The following PRMT8 variants were observed in gnomAD, a reference collection of about 807,000 sequenced individuals.
PRMT8 encodes protein arginine methyltransferase 8, also known as protein arginine N-methyltransferase 8.
Under a neutral mutation model 47.1 loss-of-function variants are expected in PRMT8, and 7 were observed. That is an observed-to-expected ratio of 0.15 (90% CI 0.08 to 0.28). The LOEUF is 0.28. Ranked by LOEUF, PRMT8 falls within the 10% of genes least tolerant of loss-of-function variation. The pLI is 1.00. For missense variants in PRMT8, 237 were observed against 505.4 expected, an observed-to-expected ratio of 0.47 and a Z score of 5.09; for synonymous variants, 188 against 186.5, an observed-to-expected ratio of 1.01 and a Z score of -0.07.
Position 3,437,028 on chromosome 12 carries a change from G to A in PRMT8, c.48+55586G>A, listed in dbSNP as rs532352800. Among the ~76,000 whole-genome samples, 4 of 152,210 alleles carry A rather than the reference G, an allele frequency of 2.6e-5. No individual in the cohort carries two copies. The East Asian group carries it at 7.7e-4, about 29-fold the overall frequency. On this transcript the variant is annotated intron_variant, in intron 1 of 9. Transcript: ENST00000452611. ...GGTCCTCTTTTACCTTTTAAGTCAC[G>A]AAAATGAAATATTCCAGTTCTGACA...
chr12:3,547,058 A>C (rs1235958623), intron 2 of PRMT8, among the ~76,000 whole-genome samples: 1 of 152,250 alleles, frequency 6.6e-6, no homozygotes, highest in Non-Finnish European at 1.5e-5. Context: ...GCATGTGACA[A>C]AATTAAATAC....
intron 1 of PRMT8, among the ~76,000 whole-genome samples, chr12:3,413,722 G>A (rs567616716): frequency 1.4e-4 from 21 of 151,966 alleles, no homozygotes; most frequent in African/African-American, 2.9e-4. Flanking sequence ...GCGGTGTGTC[G>A]TTGACCAAAG....
intron 1 of PRMT8, among the ~76,000 whole-genome samples, chr12:3,474,494 C>T (rs951664604): frequency 3.9e-5 from 6 of 152,090 alleles, no homozygotes; most frequent in African/African-American, 1.2e-4. Context: ...GCTTTTCACC[C>T]GATGCTCTCT....
intron 1 of PRMT8, among the ~76,000 whole-genome samples, chr12:3,421,137 TA>T (rs1253976149): frequency 1.3e-5 from 2 of 152,172 alleles, no homozygotes; most frequent in African/African-American, 4.8e-5. Flanking sequence ...CTTAAAAACA[TA>T]ATTGTTTTTT....
chr12:3,513,605 G>A (rs917493157), intron 1 of PRMT8, among the ~76,000 whole-genome samples: 6 of 152,220 alleles, frequency 3.9e-5, no homozygotes, highest in East Asian at 1.9e-4. Flanking sequence ...GAATGCGTGC[G>A]CTCCGTGAGA....
chr12:3,568,347 TA>T (rs34278124), intron 4 of PRMT8, among the ~76,000 whole-genome samples: 58,855 of 146,526 alleles, frequency 0.4, 11,611 homozygotes, highest in East Asian at 0.5. Flanking sequence ...TTGGTGTAAA[TA>T]AAAAAAAAAA....
chr12:3,589,307 C>T lies in PRMT8; in HGVS notation c.980-2924C>T, dbSNP rs114708760. Among the ~76,000 whole-genome samples, 1,210 of 152,298 alleles carry T rather than the reference C, an allele frequency of 7.9e-3. 20 individuals are homozygous for T. The highest frequency in any genetic ancestry group is 0.027 in the African/African-American group (1,136 of 41,554). On this transcript the variant is annotated intron_variant, in intron 8 of 9. Transcript: ENST00000382622. ...TTAGTCTATGATCCTTTCCCTTTCT[C>T]ATCTCATCTCATCCTCACAATACGT...
At chr12:3,444,213 T>C (rs998666177) in intron 1 of PRMT8, among the ~76,000 whole-genome samples, 8 of 152,232 alleles carry the variant, frequency 5.3e-5, no homozygotes, top group Non-Finnish European at 1.2e-4. Flanking sequence ...CCAGCGGTTC[T>C]GGATCAAGAA....
rs1866823399 is a variant in PRMT8, at chr12:3,570,320, G to T, written c.712+756G>T. On this transcript the variant is annotated intron_variant, in intron 6 of 9. Transcript: ENST00000382622. The surrounding 1 kb of genome is among the most constrained non-coding windows in gnomAD (Gnocchi z 5.5). ...CTGTGACACAGGCCTGATCCTTAATGAGATTATACCAAACATGTTTTTGTA... is the reference window on the plus strand; with the variant it reads ...CTGTGACACAGGCCTGATCCTTAATTAGATTATACCAAACATGTTTTTGTA... Among the ~76,000 whole-genome samples the T allele has an allele frequency of 6.6e-6, 1 of 152,192 alleles. No individual in the cohort carries two copies.
intron 1 of PRMT8, among the ~76,000 whole-genome samples, chr12:3,525,372 T>C (rs575112288): frequency 3.5e-4 from 54 of 152,268 alleles, no homozygotes; most frequent in African/African-American, 1.3e-3. Flanking sequence ...TTGCAGGGCC[T>C]TGTGGGTATG....
chr12:3,398,413 C>G (rs1054784127), intron 1 of PRMT8, among the ~76,000 whole-genome samples: 7 of 152,172 alleles, frequency 4.6e-5, no homozygotes, highest in Non-Finnish European at 8.8e-5. Context: ...GTGGCTACAA[C>G]ACAGCACTGT....
intron 1 of PRMT8, among the ~76,000 whole-genome samples, chr12:3,461,558 A>G (rs1844858008): frequency 6.6e-6 from 1 of 152,224 alleles, no homozygotes; most frequent in Non-Finnish European, 1.5e-5. Context: ...CAGCGGAATT[A>G]ACGGAAGCTG....
intron 1 of PRMT8, among the ~76,000 whole-genome samples, chr12:3,483,953 A>T (rs1210267545): frequency 6.6e-6 from 1 of 152,218 alleles, no homozygotes; most frequent in Non-Finnish European, 1.5e-5. Flanking sequence ...ATGACTACTT[A>T]TAATGGCTGC....
chr12:3,442,427 G>T (rs930392178), intron 1 of PRMT8, among the ~76,000 whole-genome samples: 8 of 152,256 alleles, frequency 5.3e-5, no homozygotes, highest in African/African-American at 1.9e-4. Flanking sequence ...AGGGGAGCTG[G>T]CTGGGGCAGC....
At chr12:3,586,014 A>T (rs569935168) in intron 8 of PRMT8, among the ~76,000 whole-genome samples, 2 of 152,232 alleles carry the variant, frequency 1.3e-5, no homozygotes, top group South Asian at 2.1e-4. Flanking sequence ...TGCCCTGCTG[A>T]TGAGAAAGTC....
intron 1 of PRMT8, among the ~76,000 whole-genome samples, chr12:3,536,555 C>T (rs1165019468): frequency 1.3e-5 from 2 of 152,178 alleles, no homozygotes; most frequent in African/African-American, 4.8e-5. Flanking sequence ...AGGACTTTTT[C>T]CTCTCCTTAA....
Position 3,566,133 on chromosome 12 carries a change from A to G in PRMT8, c.482-2573A>G, listed in dbSNP as rs1434717865. ...GCCATTAAAGACAATTTTTAAGTTT[A>G]CAAAACTAAGGCAAGCCAGGCTTTG... On this transcript the variant is annotated intron_variant, in intron 4 of 9. Coordinates refer to ENST00000382622, the MANE Select transcript of PRMT8 (RefSeq NM_019854.5). This position sits in a 1 kb window ranked among gnomAD's most constrained non-coding sequence, Gnocchi z 4.7. 1.3e-5 allele frequency among the ~76,000 whole-genome samples: 2 copies of G among 152,252 alleles called. No homozygotes were observed. The highest frequency in any genetic ancestry group is 2.9e-5 in the Non-Finnish European group (2 of 68,028).
chr12:3,592,172 C>T, intron 8 of PRMT8, 59 bp from the exon 9 acceptor site: 2 of 1,516,994 alleles, frequency 1.3e-6, no homozygotes, highest in Admixed American at 2.4e-5. Flanking sequence ...AGCCTCATCC[C>T]TTTGGAGACT....
At chr12:3,491,886 GT>G (rs1865414527) in intron 1 of PRMT8, among the ~76,000 whole-genome samples, 186 bp downstream of exon 1, 1 of 80,302 alleles carries the variant, frequency 1.2e-5, no homozygotes. Flanking sequence ...GTGTGTGTGT[GT>G]GTTGGTGGGG....
Sources: gnomAD v4.1 joint callset for allele counts (sites outside exome capture counted in the v4.1 genomes callset) on GRCh38, gnomAD v4.1.1 for gene constraint, Gnocchi (gnomAD v3.1) non-coding constraint, MANE v1.5 for transcripts, NCBI Gene and HGNC (gene_info 2026-07-23, HGNC 2026-07-21) for gene names.